Variants in DLG2 observed in about 807,000 individuals in gnomAD.
The protein encoded by DLG2 is disks large homolog 2.
Under a neutral mutation model 132.5 loss-of-function variants are expected in DLG2, and 45 were observed. The ratio of observed to expected loss-of-function variants is 0.34; its 90% CI spans 0.27 to 0.44. The LOEUF (loss-of-function observed/expected upper bound fraction) is 0.44, where lower values mean the gene tolerates loss of function less well. Among genes scored for constraint, DLG2 ranks in the 20% least tolerant of loss-of-function variants. DLG2 has a pLI of 1.00. For missense variants in DLG2, 1,045 were observed against 1,196.9 expected (o/e 0.87, Z 1.87); for synonymous variants, 424 against 419.6 (o/e 1.01, Z -0.13).
intron 3 of DLG2, among the ~76,000 whole-genome samples, chr11:85,312,579 TC>T (rs1204366393): frequency 6.6e-6 from 1 of 151,816 alleles, no homozygotes; most frequent in Non-Finnish European, 1.5e-5. Flanking sequence ...AATTCCTAAG[TC>T]CCCAGATCCT....
At chr11:85,148,707 T>G (rs1053487164) in intron 5 of DLG2, among the ~76,000 whole-genome samples, 4 of 152,184 alleles carry the variant, frequency 2.6e-5, no homozygotes, top group African/African-American at 9.6e-5. Flanking sequence ...GTTGCCTGTT[T>G]GCTTTGATGA....
rs568570247 is a variant in DLG2, at chr11:83,695,974, C to T, written c.1826-62649G>A. 2.6e-5 allele frequency among the ~76,000 whole-genome samples: 4 copies of T among 152,148 alleles called. No homozygotes were observed. In the East Asian group the frequency reaches 5.8e-4, roughly 22 times the overall value. ...AAATGAGAGGCAGGCTTGGGAGTCA[C>T]GGGGTGGATCATTCTCTGTCATGTG... On this transcript the variant is annotated intron_variant, in intron 18 of 27. Transcript: ENST00000376104.
intron 6 of DLG2, among the ~76,000 whole-genome samples, chr11:84,909,797 C>A (rs1460562706): frequency 1.3e-5 from 2 of 152,134 alleles, no homozygotes; most frequent in African/African-American, 4.8e-5. Context: ...ATATATTACC[C>A]CTTAAGTTAA....
intron 4 of DLG2, among the ~76,000 whole-genome samples, chr11:85,251,637 A>G (rs967291145): frequency 3.9e-5 from 6 of 152,192 alleles, no homozygotes; most frequent in African/African-American, 1.4e-4. Context: ...TTGATCCACT[A>G]TGCCAGAGGA....
intron 10 of DLG2, among the ~76,000 whole-genome samples, chr11:84,068,909 C>T (rs939826563): frequency 2.0e-5 from 3 of 151,750 alleles, no homozygotes; most frequent in Non-Finnish European, 4.4e-5. Context: ...TAGGAAATCT[C>T]AAAGTTCATG....
intron 7 of DLG2, among the ~76,000 whole-genome samples, chr11:84,505,580 G>A (rs2099236777): frequency 6.6e-6 from 1 of 152,090 alleles, no homozygotes; most frequent in African/African-American, 2.4e-5. Context: ...TTCCTAATTT[G>A]CAAAATAAGG....
intron 7 of DLG2, among the ~76,000 whole-genome samples, chr11:84,325,684 T>C (rs2098426924): frequency 6.6e-6 from 1 of 152,198 alleles, no homozygotes; most frequent in Admixed American, 6.5e-5. Context: ...GCATCTATAT[T>C]CATTGACGAT....
At chr11:85,078,221 T>G (rs951164901) in intron 6 of DLG2, among the ~76,000 whole-genome samples, 1 of 148,954 alleles carries the variant, frequency 6.7e-6, no homozygotes, top group Non-Finnish European at 1.5e-5. Flanking sequence ...TAGTGATAAG[T>G]GCAATGGAGA....
intron 3 of DLG2, chr11:85,336,316 A>C (rs1433608855): frequency 6.5e-6 from 1 of 153,156 alleles, no homozygotes; most frequent in Non-Finnish European, 1.5e-5. Flanking sequence ...ACAAGCCCAA[A>C]TGATCTGCCT....
At chr11:84,439,680 G>A (rs1030245100) in intron 7 of DLG2, among the ~76,000 whole-genome samples, 2 of 152,164 alleles carry the variant, frequency 1.3e-5, no homozygotes, top group East Asian at 1.9e-4. Context: ...CAGCAGGACC[G>A]TAGCTTACTC....
At chr11:85,383,722 C>T (rs1565409859) in intron 3 of DLG2, among the ~76,000 whole-genome samples, 1 of 152,130 alleles carries the variant, frequency 6.6e-6, no homozygotes, top group Non-Finnish European at 1.5e-5. Context: ...AAAAAGAATA[C>T]TTCAATGCTA....
chr11:83,823,560 G>A (rs1475745187), intron 17 of DLG2, among the ~76,000 whole-genome samples: 1 of 152,122 alleles, frequency 6.6e-6, no homozygotes, highest in Non-Finnish European at 1.5e-5. Flanking sequence ...AGGACAGAAG[G>A]GATTAATTGG....
intron 3 of DLG2, among the ~76,000 whole-genome samples, chr11:85,285,884 T>C (rs1435278191): frequency 2.6e-5 from 4 of 151,880 alleles, no homozygotes; most frequent in Non-Finnish European, 4.4e-5. Context: ...AATGATACTG[T>C]AGTGTTGGAC....
At chr11:85,435,422 C>T (rs935832325) in intron 3 of DLG2, among the ~76,000 whole-genome samples, 1 of 152,164 alleles carries the variant, frequency 6.6e-6, no homozygotes, top group African/African-American at 2.4e-5. Flanking sequence ...CACATCGTCT[C>T]AGCCCAAAAT....
chr11:83,572,731 A>C (rs965664378), intron 19 of DLG2, among the ~76,000 whole-genome samples: 1 of 152,188 alleles, frequency 6.6e-6, no homozygotes, highest in Admixed American at 6.5e-5. Flanking sequence ...GCTGAGGTGG[A>C]GAGGCAGCTC....
intron 6 of DLG2, among the ~76,000 whole-genome samples, chr11:84,716,211 T>C (rs1035850836): frequency 1.3e-5 from 2 of 152,008 alleles, no homozygotes; most frequent in African/African-American, 4.8e-5. Flanking sequence ...AATGTCTCCT[T>C]TGAAGAAGTG....
intron 8 of DLG2, among the ~76,000 whole-genome samples, chr11:84,176,269 A>C (rs1356342272): frequency 6.6e-6 from 1 of 150,752 alleles, no homozygotes; most frequent in Non-Finnish European, 1.5e-5. Flanking sequence ...CTTTTAAATA[A>C]TTGTAGTTAA....
chr11:85,492,484 T>C (rs1277242214), intron 3 of DLG2, among the ~76,000 whole-genome samples: 1 of 152,190 alleles, frequency 6.6e-6, no homozygotes, highest in Non-Finnish European at 1.5e-5. Context: ...CAGATAGTCA[T>C]GACTAAGGTA....
At chr11:84,011,046 T>C (rs2094859916) in intron 11 of DLG2, among the ~76,000 whole-genome samples, 1 of 152,070 alleles carries the variant, frequency 6.6e-6, no homozygotes, top group South Asian at 2.1e-4. Flanking sequence ...TTATTTACTT[T>C]GAGAAGCATG....
Sources: allele counts gnomAD v4.1 joint callset (sites outside exome capture counted in the v4.1 genomes callset), GRCh38; gene constraint gnomAD v4.1.1; transcripts MANE v1.5; gene names NCBI Gene and HGNC (gene_info 2026-07-23, HGNC 2026-07-21).